WDR72: variants seen among roughly 807,000 people sequenced by gnomAD.
WDR72 encodes the protein WD repeat domain 72.
WDR72 carries 120 observed loss-of-function variants against 124.2 expected under a neutral mutation model. The ratio of observed to expected loss-of-function variants is 0.97; its 90% CI spans 0.83 to 1.12. WDR72 has a LOEUF of 1.12. Ranked by LOEUF, WDR72 falls within the 50% of genes most tolerant of loss-of-function variation. The pLI, the probability that WDR72 is intolerant of heterozygous loss-of-function variation, is 0.00. For synonymous variants in WDR72, 452 were observed against 441.7 expected, an observed-to-expected ratio of 1.02 and a Z score of -0.29; for missense variants, 1,387 against 1,278.8, an observed-to-expected ratio of 1.08 and a Z score of -1.29.
chr15:53,597,857 C>T (rs1350068833), intron 17 of WDR72, among the ~76,000 whole-genome samples: 3 of 151,940 alleles, frequency 2.0e-5, no homozygotes, highest in Non-Finnish European at 2.9e-5. Flanking sequence ...GTTCGAAGGG[C>T]GGGGGGAAAG....
At chr15:53,755,371 T>G (rs1481825853) in intron 1 of WDR72, among the ~76,000 whole-genome samples, 1 of 152,222 alleles carries the variant, frequency 6.6e-6, no homozygotes, top group Non-Finnish European at 1.5e-5. Context: ...TAACTAAAAA[T>G]TAATGATGCT....
rs961254406 is a variant in WDR72 at position 53,545,817 on chromosome 15, GA to G, written c.3149-22496del. 3.8e-4 allele frequency among the ~76,000 whole-genome samples: 48 copies of G among 126,198 alleles called. 1 individual carries two copies. The highest frequency in any genetic ancestry group is 6.5e-4 in the African/African-American group (21 of 32,502). The allele number at this position is 126,198 out of a possible 152,430, so 82.8% of individuals were successfully genotyped here. A position where few individuals can be genotyped will look rare whatever the true frequency, so the allele number is the denominator to read the frequency against. On this transcript the variant is annotated intron_variant, in intron 18 of 19. Coordinates refer to ENST00000360509, the MANE Select transcript of WDR72 (RefSeq NM_182758.4). ...ACAATGAACTCAAACAAATTTACAA[GA>G]AAAAAACAAACAACCCCATCAAAAA... is the stretch of plus-strand genomic sequence containing the variant.
intron 1 of WDR72, among the ~76,000 whole-genome samples, chr15:53,739,268 A>G (rs891223490): frequency 2.0e-5 from 3 of 152,146 alleles, no homozygotes; most frequent in Admixed American, 1.3e-4. Flanking sequence ...GGAGATCAAA[A>G]AGCCCACAAA....
chr15:53,720,743 C>G (rs1396342730), intron 3 of WDR72, among the ~76,000 whole-genome samples: 1 of 152,138 alleles, frequency 6.6e-6, no homozygotes, highest in East Asian at 1.9e-4. Context: ...CCTACAGGAT[C>G]TTCTCTTTTT....
intron 2 of WDR72, among the ~76,000 whole-genome samples, chr15:53,732,629 C>T (rs905070383): frequency 6.6e-6 from 1 of 152,116 alleles, no homozygotes; most frequent in African/African-American, 2.4e-5. Flanking sequence ...TTAATCGTGG[C>T]TTTCAAGGGT....
intron 12 of WDR72, among the ~76,000 whole-genome samples, chr15:53,701,610 CTATT>C (rs1178248580): frequency 1.3e-5 from 2 of 148,506 alleles, no homozygotes; most frequent in Non-Finnish European, 3.0e-5. Flanking sequence ...ACAAATGTAA[CTATT>C]TATCAATATT....
Position 53,710,876 on chromosome 15 carries a change from G to GTAGA in WDR72, c.931_934dup (p.Thr312IlefsTer8). The GTAGA allele has an allele frequency of 1.2e-6, 2 of 1,613,266 alleles. No homozygotes were observed. Among genetic ancestry groups the GTAGA allele is most frequent in the Non-Finnish European group, 1.7e-6 (2 of 1,179,260 alleles). On this transcript the variant is annotated frameshift_variant, in exon 9 of 20. Transcript: ENST00000360509. LOFTEE classifies it high-confidence loss of function. ...CATTACCTTATTTTCCTGCACAGAA[G>GTAGA]TAGAGCACAGTAAATGAGGATAAAT...
At chr15:53,533,915 C>T (rs1199807625) in intron 18 of WDR72, among the ~76,000 whole-genome samples, 1 of 152,144 alleles carries the variant, frequency 6.6e-6, no homozygotes, top group Non-Finnish European at 1.5e-5. Flanking sequence ...TATTCCTTAG[C>T]ACTTTATTTG....
intron 4 of WDR72, among the ~76,000 whole-genome samples, chr15:53,715,940 G>C: frequency 6.6e-6 from 1 of 152,118 alleles, no homozygotes; most frequent in East Asian, 1.9e-4. Context: ...AATAAGTTTT[G>C]GAAATCTTTT....
rs61412366 is a variant in WDR72 at position 53,728,791 on chromosome 15, T to G, written c.153+4206A>C. The stretch of plus-strand genomic sequence containing the variant: ...TTGGAGAAGCTCCTCACTGGTAGAC[T>G]TCACAAAATTCTGGGGAAACTAGAG... On this transcript the variant is annotated intron_variant, in intron 2 of 19. Coordinates refer to ENST00000360509, the MANE Select transcript of WDR72 (RefSeq NM_182758.4). Among the ~76,000 whole-genome samples, 1,483 of 152,238 alleles carry G rather than the reference T, an allele frequency of 9.7e-3. 15 individuals carry two copies. The highest frequency in any genetic ancestry group is 0.063 in the South Asian group (303 of 4,820).
intron 14 of WDR72, among the ~76,000 whole-genome samples, chr15:53,644,699 C>T (rs1002398191): frequency 6.6e-6 from 1 of 151,948 alleles, no homozygotes; most frequent in Non-Finnish European, 1.5e-5. Flanking sequence ...TCTCTGAGAC[C>T]TAGGTTGCTG....
chr15:53,696,592 G>A (rs558935433), intron 13 of WDR72, among the ~76,000 whole-genome samples: 28 of 152,066 alleles, frequency 1.8e-4, no homozygotes, highest in Non-Finnish European at 3.2e-4. Flanking sequence ...GCTTTAGTTC[G>A]TATTTTCCCC....
intron 1 of WDR72, among the ~76,000 whole-genome samples, chr15:53,741,187 C>A (rs551938419): frequency 6.6e-6 from 1 of 152,232 alleles, no homozygotes; most frequent in South Asian, 2.1e-4. Context: ...ATAAAACATC[C>A]CCCCATTCAA....
intron 2 of WDR72, among the ~76,000 whole-genome samples, chr15:53,724,455 C>T (rs1350462411): frequency 3.3e-5 from 5 of 152,292 alleles, no homozygotes; most frequent in South Asian, 4.1e-4. Context: ...ACAGGCTTAA[C>T]AGGAAGCATG....
At chr15:53,522,734 C>T (rs1003768504) in intron 19 of WDR72, among the ~76,000 whole-genome samples, 10 of 152,002 alleles carry the variant, frequency 6.6e-5, no homozygotes, top group African/African-American at 1.9e-4. Context: ...TTTCCCTAAA[C>T]ATTTGACAGT....
chr15:53,576,435 G>A lies in WDR72; in HGVS notation c.3148+20644C>T, dbSNP rs1398173553. 2.0e-5 allele frequency among the ~76,000 whole-genome samples: 3 copies of A among 152,086 alleles called. No homozygotes were observed. In the East Asian group the frequency reaches 5.8e-4, roughly 30 times the overall value. On this transcript the variant is annotated intron_variant, in intron 18 of 19. Coordinates refer to ENST00000360509, the MANE Select transcript of WDR72 (RefSeq NM_182758.4). Reference sequence around the variant, plus strand: ...GTTCCTCCAAAACTCTCCATAAGCAGGTGTGTCCAGGACAGCCACTCCCAT... The same window carrying A: ...GTTCCTCCAAAACTCTCCATAAGCAAGTGTGTCCAGGACAGCCACTCCCAT...
chr15:53,625,223 C>G (rs2014156203), intron 14 of WDR72, among the ~76,000 whole-genome samples: 1 of 152,146 alleles, frequency 6.6e-6, no homozygotes, highest in Non-Finnish European at 1.5e-5. Flanking sequence ...CCCATCTATG[C>G]CACTGCAAAA....
At chr15:53,659,852 C>T (rs2015550789) in intron 14 of WDR72, among the ~76,000 whole-genome samples, 1 of 152,026 alleles carries the variant, frequency 6.6e-6, no homozygotes, top group Non-Finnish European at 1.5e-5. Context: ...TTGTAGATTT[C>T]TCCCCTAACG....
intron 13 of WDR72, among the ~76,000 whole-genome samples, chr15:53,678,568 A>G (rs514678): frequency 0.096 from 14,632 of 152,190 alleles, 1,895 homozygotes; most frequent in African/African-American, 0.29. Context: ...TTGTATACAG[A>G]TGCATATACT....
Sources: allele counts gnomAD v4.1 joint callset (sites outside exome capture counted in the v4.1 genomes callset), GRCh38; gene constraint gnomAD v4.1.1; transcripts MANE v1.5; gene names NCBI Gene and HGNC (gene_info 2026-07-23, HGNC 2026-07-21).